The following GRM5 variants were observed in gnomAD, a reference collection of about 807,000 sequenced individuals.
GRM5 encodes metabotropic glutamate receptor 5.
Under a neutral mutation model 83.1 loss-of-function variants are expected in GRM5, and 19 were observed. The observed-to-expected ratio is 0.23, with a 90% CI of 0.16 to 0.34. The LOEUF (loss-of-function observed/expected upper bound fraction) is 0.34. Among genes scored for constraint, GRM5 ranks in the 10% least tolerant of loss-of-function variants. The pLI is 1.00. For missense variants in GRM5, 1,160 were observed against 1,588.3 expected (o/e 0.73, Z 4.58); for synonymous variants, 675 against 633.6 (o/e 1.07, Z -0.98).
At chr11:88,946,271 A>G (rs1938280716) in intron 2 of GRM5, among the ~76,000 whole-genome samples, 1 of 152,076 alleles carries the variant, frequency 6.6e-6, no homozygotes. Flanking sequence ...GGCAATTATT[A>G]TATACTGTCG....
Position 88,888,662 on chromosome 11 carries a change from C to T in GRM5, c.662-38507G>A, listed in dbSNP as rs559041473. ...CTAGTTGGGTTTTTGGCTTCTCTATCCCTGTGCAAACCGGTAAAAGAAATA... is the reference window on the plus strand; with the variant it reads ...CTAGTTGGGTTTTTGGCTTCTCTATTCCTGTGCAAACCGGTAAAAGAAATA... On this transcript the variant is annotated intron_variant, in intron 2 of 9. Coordinates refer to ENST00000305447, the MANE Select transcript of GRM5 (RefSeq NM_001143831.3). 9.9e-5 allele frequency among the ~76,000 whole-genome samples: 15 copies of T among 152,184 alleles called. No homozygotes were observed. The South Asian group carries it at 3.1e-3, about 32-fold the overall frequency.
At chr11:88,653,021 T>C (rs1939673076) in intron 4 of GRM5, 147 bp downstream of exon 4, 2 of 602,222 alleles carry the variant, frequency 3.3e-6, no homozygotes, top group South Asian at 4.2e-5. Flanking sequence ...GACTAAAACC[T>C]GTTTATCACC....
intron 2 of GRM5, among the ~76,000 whole-genome samples, chr11:88,964,441 T>G (rs1203512640): frequency 2.6e-5 from 4 of 152,234 alleles, no homozygotes; most frequent in African/African-American, 9.6e-5. Flanking sequence ...TCAGTAGTTT[T>G]GAGAACTAGA....
At chr11:88,667,384 C>A (rs1013757144) in intron 3 of GRM5, among the ~76,000 whole-genome samples, 1 of 151,798 alleles carries the variant, frequency 6.6e-6, no homozygotes, top group Non-Finnish European at 1.5e-5. Flanking sequence ...TGAAACCTAC[C>A]AAAACACAGA....
At chr11:88,662,093 A>G (rs936458989) in intron 3 of GRM5, among the ~76,000 whole-genome samples, 1 of 152,160 alleles carries the variant, frequency 6.6e-6, no homozygotes, top group African/African-American at 2.4e-5. Flanking sequence ...GAAATTTGCC[A>G]CCTGTATATC....
At chr11:88,881,068 C>T (rs927391775) in intron 2 of GRM5, among the ~76,000 whole-genome samples, 5 of 151,836 alleles carry the variant, frequency 3.3e-5, no homozygotes, top group African/African-American at 4.8e-5. Context: ...GTGGTGTTTT[C>T]TTTGATCCCT....
intron 2 of GRM5, among the ~76,000 whole-genome samples, chr11:88,870,171 G>T (rs555508814): frequency 6.6e-6 from 1 of 151,328 alleles, no homozygotes; most frequent in Non-Finnish European, 1.5e-5. Flanking sequence ...GTATGTTTTT[G>T]GTTGTCATTA....
chr11:88,745,044 C>G (rs551084334), intron 3 of GRM5, among the ~76,000 whole-genome samples: 1 of 152,080 alleles, frequency 6.6e-6, no homozygotes, highest in African/African-American at 2.4e-5. Flanking sequence ...TTACACATAG[C>G]AAATAAATAT....
intron 1 of GRM5, among the ~76,000 whole-genome samples, chr11:89,062,553 A>G (rs1242481304): frequency 6.6e-6 from 1 of 152,222 alleles, no homozygotes; most frequent in African/African-American, 2.4e-5. Flanking sequence ...TCAATTTCTT[A>G]TTGAAAAAGT....
At chr11:88,579,591 G>C (rs1417239926) in intron 7 of GRM5, among the ~76,000 whole-genome samples, 2 of 152,112 alleles carry the variant, frequency 1.3e-5, no homozygotes, top group Non-Finnish European at 2.9e-5. Flanking sequence ...AAGCCTTCCA[G>C]GCAGATAACT....
intron 3 of GRM5, among the ~76,000 whole-genome samples, chr11:88,714,022 T>G (rs1941343807): frequency 6.6e-6 from 1 of 152,046 alleles, no homozygotes; most frequent in Admixed American, 6.6e-5. Context: ...TTATCAAGAA[T>G]CTTTTTGAGT....
rs376945414 is a variant in GRM5, at chr11:88,605,179, T to C, written c.1148-215A>G. Reference sequence around the variant, plus strand: ...TTTTCTTCCAAAACTCTGAAAAAAGTTCTGAATCACCAACAGTAGCAAGAT... The same window carrying C: ...TTTTCTTCCAAAACTCTGAAAAAAGCTCTGAATCACCAACAGTAGCAAGAT... On this transcript the variant is annotated intron_variant, in intron 4 of 9. Transcript: ENST00000305447. 1.1e-3 allele frequency among the ~76,000 whole-genome samples: 175 copies of C among 152,228 alleles called. 1 individual carries two copies. In the Middle Eastern group the frequency reaches 0.014, roughly 12 times the overall value.
chr11:88,901,448 T>C (rs1246700645), intron 2 of GRM5, among the ~76,000 whole-genome samples: 2 of 152,188 alleles, frequency 1.3e-5, no homozygotes, highest in Non-Finnish European at 2.9e-5. Context: ...TAGTTCTTTC[T>C]GACTCTAATC....
At chr11:88,692,526 C>T (rs1295085920) in intron 3 of GRM5, among the ~76,000 whole-genome samples, 1 of 152,180 alleles carries the variant, frequency 6.6e-6, no homozygotes, top group Admixed American at 6.5e-5. Context: ...TCTCTGTCAC[C>T]TCTAGTGAGT....
chr11:88,606,519 TCAAAACAAA>T (rs1938146682), intron 4 of GRM5, among the ~76,000 whole-genome samples: 1 of 152,184 alleles, frequency 6.6e-6, no homozygotes. Flanking sequence ...TCAGTCAGCC[TCAAAACAAA>T]CAAAACAAAC....
At chr11:88,979,976 T>C (rs765818201) in intron 2 of GRM5, among the ~76,000 whole-genome samples, 2 of 152,176 alleles carry the variant, frequency 1.3e-5, no homozygotes, top group African/African-American at 4.8e-5. Context: ...AGGCATTTTA[T>C]TGCATGGGCT....
At chr11:88,726,413 T>C (rs2135401444) in intron 3 of GRM5, among the ~76,000 whole-genome samples, 1 of 152,322 alleles carries the variant, frequency 6.6e-6, no homozygotes, top group East Asian at 1.9e-4. Context: ...CTGTGTTTGA[T>C]TGGTGTACCT....
chr11:88,899,620 C>G (rs181541275), intron 2 of GRM5, among the ~76,000 whole-genome samples: 1 of 151,852 alleles, frequency 6.6e-6, no homozygotes, highest in African/African-American at 2.4e-5. Context: ...GAAATTTAAG[C>G]TCCATTTAGG....
chr11:88,860,017 G>A (rs1393553379), intron 2 of GRM5, among the ~76,000 whole-genome samples: 3 of 152,026 alleles, frequency 2.0e-5, no homozygotes, highest in African/African-American at 7.2e-5. Flanking sequence ...ATATTATCTT[G>A]TATTAGTTAC....
Sources: allele counts gnomAD v4.1 joint callset (sites outside exome capture counted in the v4.1 genomes callset), GRCh38; gene constraint gnomAD v4.1.1; transcripts MANE v1.5; gene names NCBI Gene and HGNC (gene_info 2026-07-23, HGNC 2026-07-21).